RAB1A: variants seen among roughly 807,000 people sequenced by gnomAD.
RAB1A encodes RAB1A, member RAS oncogene family.
RAB1A carries 2 observed loss-of-function variants against 26.0 expected under a neutral mutation model. The observed-to-expected ratio is 0.08, with a 90% CI of 0.03 to 0.24. The LOEUF (loss-of-function observed/expected upper bound fraction) is 0.24. Ranked by LOEUF, RAB1A falls within the 10% of genes least tolerant of loss-of-function variation. The pLI, the probability that RAB1A is intolerant of heterozygous loss-of-function variation, is 1.00. For synonymous variants in RAB1A, 84 were observed against 84.9 expected, an observed-to-expected ratio of 0.99 and a Z score of 0.06; for missense variants, 100 against 247.0, an observed-to-expected ratio of 0.40 and a Z score of 3.99.
intron 1 of RAB1A, among the ~76,000 whole-genome samples, chr2:65,110,002 A>T (rs986054009): frequency 2.0e-5 from 3 of 152,340 alleles, no homozygotes; most frequent in African/African-American, 7.2e-5. Flanking sequence ...ATGTGCTAAG[A>T]GATCAGAGAA....
chr2:65,124,928 G>T (rs914468191), intron 1 of RAB1A, among the ~76,000 whole-genome samples: 2 of 151,670 alleles, frequency 1.3e-5, no homozygotes, highest in African/African-American at 2.4e-5. Flanking sequence ...GAGAATACTA[G>T]TTATCTTTCT....
At chr2:65,111,179 C>T (rs754682474) in intron 1 of RAB1A, among the ~76,000 whole-genome samples, 21 of 151,804 alleles carry the variant, frequency 1.4e-4, no homozygotes, top group Non-Finnish European at 1.2e-4. Context: ...CTGGGCAACA[C>T]GGTGAAACTG....
chr2:65,097,729 C>A (rs1263165676), intron 3 of RAB1A, among the ~76,000 whole-genome samples: 1 of 152,048 alleles, frequency 6.6e-6, no homozygotes, highest in Non-Finnish European at 1.5e-5. Flanking sequence ...AGATGAGGAC[C>A]AAGTTTGACT....
At chr2:65,093,356 A>G (rs1415543134) in intron 3 of RAB1A, among the ~76,000 whole-genome samples, 1 of 152,212 alleles carries the variant, frequency 6.6e-6, no homozygotes, top group Admixed American at 6.5e-5. Context: ...ATTTTCATAA[A>G]GCCTCATGAA....
At chr2:65,106,299 AT>A in intron 1 of RAB1A, 1 of 267,738 alleles carries the variant, frequency 3.7e-6, no homozygotes, top group Non-Finnish European at 7.5e-6. Flanking sequence ...ATGATTTTGT[AT>A]TTTGTCCTTT....
intron 3 of RAB1A, among the ~76,000 whole-genome samples, chr2:65,096,298 G>C (rs1428545145): frequency 6.6e-6 from 1 of 152,286 alleles, no homozygotes; most frequent in Admixed American, 6.5e-5. Context: ...CTGGGAGACA[G>C]AGCAATACTG....
At chr2:65,097,001 G>A (rs1406853381) in intron 3 of RAB1A, among the ~76,000 whole-genome samples, 2 of 151,744 alleles carry the variant, frequency 1.3e-5, no homozygotes, top group East Asian at 3.8e-4. Context: ...CTGGGTCTCA[G>A]GGTTACTTCG....
chr2:65,105,806 AGGCTGGAGTGCAGTGGCGCGATCTC>A (rs1257127178), intron 1 of RAB1A, among the ~76,000 whole-genome samples: 1 of 151,668 alleles, frequency 6.6e-6, no homozygotes, highest in East Asian at 1.9e-4. Flanking sequence ...TCTGTCACCC[AGGCTGGAGTGCAGTGGCGCGATCTC>A]GGCTCACTGC....
chr2:65,120,182 G>T (rs1220521975), intron 1 of RAB1A, among the ~76,000 whole-genome samples: 1 of 151,980 alleles, frequency 6.6e-6, no homozygotes, highest in Non-Finnish European at 1.5e-5. Context: ...ATTAGGCCGG[G>T]AACAGTGGCT....
intron 1 of RAB1A, among the ~76,000 whole-genome samples, chr2:65,108,179 C>A (rs909783590): frequency 6.7e-6 from 1 of 150,130 alleles, no homozygotes; most frequent in Non-Finnish European, 1.5e-5. Flanking sequence ...CAGGCCAACA[C>A]GATGAAACCC....
chr2:65,096,131 C>T (rs12619806), intron 3 of RAB1A, among the ~76,000 whole-genome samples: 3,390 of 147,684 alleles, frequency 0.023, 203 homozygotes, highest in East Asian at 0.23. Context: ...CCAGCCTGGG[C>T]GACAAAGCAA....
At chr2:65,129,598 A>C (rs575960365) in intron 1 of RAB1A, among the ~76,000 whole-genome samples, 12 of 147,244 alleles carry the variant, frequency 8.1e-5, no homozygotes, top group African/African-American at 2.3e-4. Context: ...ATACCCCTTC[A>C]CACCGCCCCA....
In RAB1A at chr2:65,088,787, T is replaced by C. The variant is rs879196824; in HGVS notation, c.421-97A>G. The stretch of plus-strand genomic sequence containing the variant: ...CATAATGGAGCGTGAGGAACTAAGT[T>C]CATTGGATCCAAACAGATGCTACAC... On this transcript the variant is annotated intron_variant, in intron 5 of 5. Transcript: ENST00000409784. The C allele has an allele frequency of 2.0e-5, 26 of 1,319,854 alleles. 1 individual carries two copies. In the South Asian group the frequency reaches 3.4e-4, roughly 17 times the overall value. The allele number at this position is 1,319,854 out of a possible 1,614,324, so 81.8% of individuals were successfully genotyped here. A position where few individuals can be genotyped will look rare whatever the true frequency, so the allele number is the denominator to read the frequency against.
At chr2:65,116,556 T>C (rs911913858) in intron 1 of RAB1A, among the ~76,000 whole-genome samples, 1 of 152,214 alleles carries the variant, frequency 6.6e-6, no homozygotes, top group South Asian at 2.1e-4. Flanking sequence ...ATCTAGCACA[T>C]ACTGTCTGGC....
chr2:65,101,984 G>A lies in RAB1A; in HGVS notation c.96+2750C>T, dbSNP rs576971451. Among the ~76,000 whole-genome samples the A allele has an allele frequency of 2.0e-5, 3 of 152,106 alleles. 1 individual carries two copies. Among genetic ancestry groups the A allele is most frequent in the African/African-American group, 7.2e-5 (3 of 41,496 alleles). On this transcript the variant is annotated intron_variant, in intron 2 of 5. Transcript: ENST00000409784. ...GGCTGGTCTCGAACTCCTGACCTCA[G>A]ATGATCCGCCAGCCTCAGCCTCTAA...
intron 1 of RAB1A, among the ~76,000 whole-genome samples, chr2:65,124,120 T>C (rs1046568718): frequency 6.6e-6 from 1 of 151,950 alleles, no homozygotes; most frequent in Non-Finnish European, 1.5e-5. Context: ...CTCAGTAGCT[T>C]GGGACTACAA....
intron 3 of RAB1A, among the ~76,000 whole-genome samples, chr2:65,095,373 G>A (rs1669259397): frequency 6.6e-6 from 1 of 151,772 alleles, no homozygotes; most frequent in African/African-American, 2.4e-5. Context: ...TTTGAGACAG[G>A]GTCTCTCACT....
chr2:65,124,062 C>T (rs1670037388), intron 1 of RAB1A, among the ~76,000 whole-genome samples: 1 of 151,404 alleles, frequency 6.6e-6, no homozygotes, highest in Admixed American at 6.6e-5. Flanking sequence ...TCTTGGCTCA[C>T]GGCAACCTCT....
intron 3 of RAB1A, among the ~76,000 whole-genome samples, chr2:65,095,515 A>AC (rs1669262862): frequency 1.0e-5 from 1 of 96,846 alleles, no homozygotes; most frequent in Non-Finnish European, 2.1e-5. Context: ...ACACCTGGTT[A>AC]CTTTTTTTTT....
Sources: allele counts gnomAD v4.1 joint callset (sites outside exome capture counted in the v4.1 genomes callset), GRCh38; gene constraint gnomAD v4.1.1; transcripts MANE v1.5; gene names NCBI Gene and HGNC (gene_info 2026-07-23, HGNC 2026-07-21).